Variants in ATP2A2 observed in about 807,000 individuals in gnomAD.
ATP2A2 encodes sarcoplasmic/endoplasmic reticulum calcium ATPase 2.
In ATP2A2, 14 loss-of-function variants were observed where a neutral mutation model predicts 109.3. The observed-to-expected ratio is 0.13, with a 90% confidence interval of 0.08 to 0.20. The LOEUF is 0.20. Ranked by LOEUF, ATP2A2 falls within the 10% of genes least tolerant of loss-of-function variation. ATP2A2 has a pLI of 1.00. For synonymous variants in ATP2A2, 506 were observed against 490.9 expected (o/e 1.03, Z -0.41); for missense variants, 657 against 1,321.6 (o/e 0.50, Z 7.80).
chr12:110,316,225 A>AT (rs1224001755), intron 5 of ATP2A2, among the ~76,000 whole-genome samples: 5 of 152,180 alleles, frequency 3.3e-5, no homozygotes. Context: ...CATTCTAGAC[A>AT]TTTTTTGTCT....
At chr12:110,334,371 C>G in intron 11 of ATP2A2, 1 of 579,358 alleles carries the variant, frequency 1.7e-6, no homozygotes, top group East Asian at 3.3e-5. Context: ...CCTCTGGGCC[C>G]ACAGGGGCTG....
At position 110,343,127 on chromosome 12, in the gene ATP2A2, T is replaced by A. The variant is rs2137864062; in HGVS notation, c.2319-105T>A. On this transcript the variant is annotated intron_variant, in intron 15 of 19. Transcript: ENST00000539276. ...AAGTATTTTACAGATTACCTGAAGT[T>A]GTTGTCATTTATTTTTCTGGAGGAG... 6 of 1,153,666 alleles carry A rather than the reference T, an allele frequency of 5.2e-6. No homozygotes were observed. In the South Asian group the frequency reaches 6.3e-5, roughly 12 times the overall value. 71.5% of individuals were successfully genotyped at this position (1,153,666 alleles called of 1,614,324 possible).
chr12:110,307,361 A>G (rs1380472067), intron 5 of ATP2A2, among the ~76,000 whole-genome samples: 1 of 150,584 alleles, frequency 6.6e-6, no homozygotes, highest in East Asian at 2.0e-4. Flanking sequence ...CTTCCAGGTT[A>G]GCTGGGACTG....
chr12:110,282,102 C>T (rs1301390259), intron 1 of ATP2A2, among the ~76,000 whole-genome samples, 195 bp downstream of exon 1: 1 of 152,134 alleles, frequency 6.6e-6, no homozygotes, highest in African/African-American at 2.4e-5. Context: ...GACCTCTTCG[C>T]TTCTCGGGCC....
At chr12:110,282,580 T>G (rs1471855339) in intron 1 of ATP2A2, 24 bp from the exon 2 acceptor site, 2 of 1,613,732 alleles carry the variant, frequency 1.2e-6, no homozygotes, top group Non-Finnish European at 1.7e-6. Flanking sequence ...GACACATTGC[T>G]TGACGAATTT....
At chr12:110,338,306 G>C (rs915852190) in intron 11 of ATP2A2, among the ~76,000 whole-genome samples, 1 of 152,160 alleles carries the variant, frequency 6.6e-6, no homozygotes, top group South Asian at 2.1e-4. Flanking sequence ...TATCCATCAC[G>C]TGTGACAGCC....
At chr12:110,334,393 A>G (rs1168510143) in intron 11 of ATP2A2, 1 of 518,496 alleles carries the variant, frequency 1.9e-6, no homozygotes, top group Non-Finnish European at 3.5e-6. Flanking sequence ...CTTCTCCCAT[A>G]GTGCTGTGAA....
intron 10 of ATP2A2, 148 bp downstream of exon 10, chr12:110,333,431 GC>G: frequency 1.3e-6 from 1 of 760,768 alleles, no homozygotes; most frequent in Non-Finnish European, 2.3e-6. Context: ...TGATGGTGGG[GC>G]CAGCATGACC....
intron 18 of ATP2A2, 158 bp downstream of exon 18, chr12:110,345,540 G>C: frequency 2.6e-6 from 3 of 1,144,072 alleles, no homozygotes; most frequent in South Asian, 2.6e-5. Flanking sequence ...ATGAGCTGTC[G>C]TCACCTCCAG....
In ATP2A2 at chr12:110,326,425, G is replaced by T. The variant is rs375924802; in HGVS notation, c.580G>T (p.Val194Phe). The T allele has an allele frequency of 6.2e-7, 1 of 1,614,022 alleles. No individual in the cohort carries two copies. Among genetic ancestry groups the T allele is most frequent in the Non-Finnish European group, 8.5e-7 (1 of 1,179,962 alleles). The stretch of plus-strand genomic sequence containing the variant: ...CTCTGTCATCAAGCACACTGATCCC[G>T]TCCCTGACCCACGAGCTGTCAACCA... ...SVSVIKHTDP[V>F]PDPRAVNQDK... The change falls in exon 7 of 20, where the codon GTC becomes TTC. Residue 194 changes from valine (V) to phenylalanine (F), a missense_variant. Around this residue, in one of 9 missense-constraint regions of ATP2A2, gnomAD observed 136 missense variants for 343.9 expected, o/e 0.40. Transcript: ENST00000539276.
intron 5 of ATP2A2, among the ~76,000 whole-genome samples, chr12:110,322,653 T>C (rs117016206): frequency 1.3e-5 from 2 of 152,344 alleles, no homozygotes; most frequent in East Asian, 3.9e-4. Flanking sequence ...TGTGTATATG[T>C]AGTAAGACTT....
chr12:110,325,683 C>G (rs890137890), intron 6 of ATP2A2: 2 of 151,942 alleles, frequency 1.3e-5, no homozygotes, highest in African/African-American at 4.9e-5. Context: ...AGTACACTTG[C>G]TAATTGCTAC....
intron 16 of ATP2A2, among the ~76,000 whole-genome samples, chr12:110,344,451 A>G (rs371912689): frequency 2.6e-5 from 4 of 152,118 alleles, no homozygotes; most frequent in African/African-American, 7.2e-5. Context: ...CTGGGCCTCT[A>G]ATGGAGCAAA....
chr12:110,324,529 C>T (rs748880373), intron 6 of ATP2A2, among the ~76,000 whole-genome samples: 116 of 152,044 alleles, frequency 7.6e-4, no homozygotes, highest in Non-Finnish European at 1.4e-3. Context: ...TCAAGCTGTT[C>T]TCCTGCCTCA....
intron 5 of ATP2A2, among the ~76,000 whole-genome samples, chr12:110,318,824 C>G (rs1467639564): frequency 6.6e-6 from 1 of 152,230 alleles, no homozygotes; most frequent in South Asian, 2.1e-4. Context: ...CTACAAAGAT[C>G]AGTTTCTAAT....
chr12:110,341,103 C>A, intron 14 of ATP2A2, 109 bp downstream of exon 14: 3 of 1,213,050 alleles, frequency 2.5e-6, no homozygotes, highest in Non-Finnish European at 3.5e-6. Flanking sequence ...TGGAATTTGT[C>A]ATGATTTGGG....
Position 110,348,721 on chromosome 12 carries a change from T to C in ATP2A2, c.*2251T>C, listed in dbSNP as rs1339687619. On this transcript the variant is annotated 3_prime_UTR_variant, in exon 20 of 20. Transcript: ENST00000539276. ...CCTGTCAAAAAAAAATCAGCCTTAC[T>C]GTGAAGCCTCCAAGGCTGCTCGCAG... is the stretch of plus-strand genomic sequence containing the variant. The C allele has an allele frequency of 1.6e-5, 16 of 985,180 alleles. No individual in the cohort carries two copies. The highest frequency in any genetic ancestry group is 1.7e-5 in the Non-Finnish European group (14 of 829,952). The allele number at this position is 985,180 out of a possible 1,614,324, so 61.0% of individuals were successfully genotyped here.
chr12:110,293,870 A>ATATATATATATATATATATATATT (rs1566204044), intron 4 of ATP2A2, among the ~76,000 whole-genome samples: 1 of 73,342 alleles, frequency 1.4e-5, no homozygotes, highest in African/African-American at 6.2e-5. Flanking sequence ...GTGTGTATAT[A>ATATATATATATATATATATATATT]TTTTTTTTTT....
intron 7 of ATP2A2, among the ~76,000 whole-genome samples, chr12:110,326,899 T>C (rs752262923): frequency 2.0e-5 from 3 of 152,208 alleles, no homozygotes; most frequent in Non-Finnish European, 4.4e-5. Context: ...GCAAAGTATA[T>C]GAATGTTCAT....
Sources: gnomAD v4.1 joint callset for allele counts (sites outside exome capture counted in the v4.1 genomes callset) on GRCh38, gnomAD v4.1.1 for gene constraint, gnomAD v4.1.1 regional missense constraint, MANE v1.5 for transcripts, NCBI Gene and HGNC (gene_info 2026-07-23, HGNC 2026-07-21) for gene names.